NTN1: variants seen among roughly 807,000 people sequenced by gnomAD.
NTN1 encodes netrin 1.
A neutral mutation model predicts 54.2 loss-of-function variants in NTN1; 11 were observed. The ratio of observed to expected loss-of-function variants is 0.20; its 90% CI spans 0.13 to 0.34. NTN1 has a LOEUF of 0.34. Ranked by LOEUF, NTN1 falls within the 10% of genes least tolerant of loss-of-function variation. The probability of loss-of-function intolerance (pLI) is 1.00; values close to 1 mark genes in which losing one functional copy is unlikely to be tolerated. For synonymous variants in NTN1, 371 were observed against 382.0 expected, an observed-to-expected ratio of 0.97 and a Z score of 0.33; for missense variants, 740 against 893.1, an observed-to-expected ratio of 0.83 and a Z score of 2.18.
intron 2 of NTN1, among the ~76,000 whole-genome samples, chr17:9,137,635 A>G (rs1429612174): frequency 1.3e-5 from 2 of 152,176 alleles, no homozygotes; most frequent in African/African-American, 4.8e-5. Flanking sequence ...TCTACTAAAA[A>G]TACAAAAAAT....
At chr17:9,079,663 G>T (rs1216164675) in intron 2 of NTN1, among the ~76,000 whole-genome samples, 2 of 152,080 alleles carry the variant, frequency 1.3e-5, no homozygotes, top group African/African-American at 2.4e-5. Flanking sequence ...TGGAGGAAGT[G>T]GTTCCCCAGT....
intron 4 of NTN1, among the ~76,000 whole-genome samples, chr17:9,181,800 CCTT>C (rs2092419613): frequency 6.6e-6 from 1 of 151,992 alleles, no homozygotes; most frequent in South Asian, 2.1e-4. Flanking sequence ...GAAGTGAGTC[CCTT>C]CCTCTTAGGG....
chr17:9,169,021 T>C (rs1363340137), intron 3 of NTN1, among the ~76,000 whole-genome samples: 1 of 152,192 alleles, frequency 6.6e-6, no homozygotes, highest in African/African-American at 2.4e-5. Flanking sequence ...GGAGAGAGAA[T>C]TCCCAGTGGA....
At chr17:9,023,426 TG>T in intron 2 of NTN1, 35 bp downstream of exon 2, 5 of 1,343,530 alleles carry the variant, frequency 3.7e-6, no homozygotes, top group Non-Finnish European at 4.7e-6. Context: ...CGGCGGCGGG[TG>T]GGGCCGCGGG....
At chr17:9,128,179 G>A (rs1597498065) in intron 2 of NTN1, among the ~76,000 whole-genome samples, 1 of 151,614 alleles carries the variant, frequency 6.6e-6, no homozygotes, top group Admixed American at 6.6e-5. Context: ...GTGTGGTGAT[G>A]CATGCCTGTA....
At chr17:9,170,618 C>A (rs1357239615) in intron 3 of NTN1, among the ~76,000 whole-genome samples, 1 of 152,166 alleles carries the variant, frequency 6.6e-6, no homozygotes, top group Non-Finnish European at 1.5e-5. Flanking sequence ...ATGTGCCCAG[C>A]AGCTGCTTGT....
intron 2 of NTN1, among the ~76,000 whole-genome samples, chr17:9,057,075 T>C (rs1181682108): frequency 6.6e-6 from 1 of 152,020 alleles, no homozygotes; most frequent in Non-Finnish European, 1.5e-5. Context: ...CAGGCAAAAC[T>C]CGGGCTGCTT....
At chr17:9,072,955 G>A (rs916742757) in intron 2 of NTN1, among the ~76,000 whole-genome samples, 1 of 152,206 alleles carries the variant, frequency 6.6e-6, no homozygotes, top group Admixed American at 6.5e-5. Context: ...CCACCCTCCT[G>A]TAGCAGGGAG....
intron 2 of NTN1, among the ~76,000 whole-genome samples, chr17:9,046,701 C>T (rs998309054): frequency 1.6e-4 from 25 of 151,798 alleles, no homozygotes; most frequent in Non-Finnish European, 2.4e-4. Flanking sequence ...GCAGGAGGAT[C>T]GCTTGAGCCC....
the NTN1 span, among the ~76,000 whole-genome samples, chr17:9,011,827 A>C: frequency 3.3e-5 from 5 of 152,184 alleles, no homozygotes; most frequent in South Asian, 1.0e-3. Context: ...TGACCTCGTG[A>C]TCCACCCACC....
At chr17:9,046,009 A>G (rs2091940261) in intron 2 of NTN1, among the ~76,000 whole-genome samples, 1 of 152,254 alleles carries the variant, frequency 6.6e-6, no homozygotes, top group African/African-American at 2.4e-5. Flanking sequence ...AGACCACTTG[A>G]ATCAAATTCT....
At chr17:9,214,226 T>C (rs958383886) in intron 5 of NTN1, among the ~76,000 whole-genome samples, 2 of 152,148 alleles carry the variant, frequency 1.3e-5, no homozygotes, top group Non-Finnish European at 2.9e-5. Flanking sequence ...ATAATATCAT[T>C]GTGGTCAGGA....
chr17:9,238,249 G>C (rs903374798), intron 6 of NTN1, among the ~76,000 whole-genome samples: 1 of 152,184 alleles, frequency 6.6e-6, no homozygotes, highest in African/African-American at 2.4e-5. Context: ...CTGGGGAGGT[G>C]TCCTTGTGGC....
Position 9,239,563 on chromosome 17 carries a change from C to G in NTN1, c.1487-77C>G. 1 of 1,463,070 alleles carries G rather than the reference C, an allele frequency of 6.8e-7. No homozygotes were observed. Among genetic ancestry groups the G allele is most frequent in the East Asian group, 2.3e-5 (1 of 43,494 alleles). 90.6% of individuals were successfully genotyped at this position (1,463,070 alleles called of 1,614,324 possible). On this transcript the variant is annotated intron_variant, in intron 6 of 6. Coordinates refer to ENST00000173229, the MANE Select transcript of NTN1 (RefSeq NM_004822.3). This position sits in a 1 kb window ranked among gnomAD's most constrained non-coding sequence, Gnocchi z 5.2. ...CTTCCTGGGGCTGGGTCTCCTTTCC[C>G]TTCTCCCCAGGCTCAGGCAGGGCGG...
intron 2 of NTN1, among the ~76,000 whole-genome samples, chr17:9,127,491 G>A (rs748496686): frequency 6.6e-6 from 1 of 152,158 alleles, no homozygotes; most frequent in Non-Finnish European, 1.5e-5. Context: ...GTCCCTCTTT[G>A]TAGCACTGGG....
intron 6 of NTN1, among the ~76,000 whole-genome samples, chr17:9,228,505 C>A (rs546619273): frequency 6.6e-6 from 1 of 152,118 alleles, no homozygotes; most frequent in Admixed American, 6.5e-5. Context: ...CCTCAGGTGG[C>A]CTGGGTGCTG....
the NTN1 span, among the ~76,000 whole-genome samples, chr17:9,010,902 G>A: frequency 6.6e-6 from 1 of 152,118 alleles, no homozygotes; most frequent in Non-Finnish European, 1.5e-5. Flanking sequence ...ACATGGTAAT[G>A]TGTAATGAGA....
At chr17:9,057,077 G>C (rs575768270) in intron 2 of NTN1, among the ~76,000 whole-genome samples, 28 of 152,008 alleles carry the variant, frequency 1.8e-4, no homozygotes, top group African/African-American at 6.5e-4. Flanking sequence ...GGCAAAACTC[G>C]GGCTGCTTTG....
At chr17:9,028,303 C>G (rs186894569) in intron 2 of NTN1, among the ~76,000 whole-genome samples, 52 of 152,290 alleles carry the variant, frequency 3.4e-4, no homozygotes, top group African/African-American at 1.2e-3. Flanking sequence ...TGACATGAGT[C>G]AGCAGCACAG....
Sources: allele counts gnomAD v4.1 joint callset (sites outside exome capture counted in the v4.1 genomes callset), GRCh38; gene constraint gnomAD v4.1.1; non-coding constraint Gnocchi (gnomAD v3.1); transcripts MANE v1.5; gene names NCBI Gene and HGNC (gene_info 2026-07-23, HGNC 2026-07-21).